The following GJA1 variants were observed in gnomAD, a reference collection of about 807,000 sequenced individuals.
GJA1 encodes the protein gap junction alpha-1 protein.
A neutral mutation model predicts 31.0 loss-of-function variants in GJA1; 9 were observed. The observed-to-expected ratio is 0.29, with a 90% CI of 0.17 to 0.51. The LOEUF is 0.51. Among genes scored for constraint, GJA1 ranks in the 20% least tolerant of loss-of-function variants. The pLI, the probability that GJA1 is intolerant of heterozygous loss-of-function variation, is 0.98. For missense variants in GJA1, 278 were observed against 468.8 expected, an observed-to-expected ratio of 0.59 and a Z score of 3.76; for synonymous variants, 186 against 180.1, an observed-to-expected ratio of 1.03 and a Z score of -0.26.
Position 121,447,183 on chromosome 6 carries a change from A to G in GJA1, c.336A>G (p.Glu112=), listed in dbSNP as rs1449750966. The change falls in exon 2 of 2, where the codon GAA becomes GAG. Residue 112 remains glutamate, a synonymous_variant. Transcript: ENST00000282561. ...KEEKLNKKEE[E]LKVAQTDGVN... ...AGAAACTGAACAAGAAAGAGGAAGAACTCAAGGTTGCCCAAACTGATGGTG... is the reference window on the plus strand; with the variant it reads ...AGAAACTGAACAAGAAAGAGGAAGAGCTCAAGGTTGCCCAAACTGATGGTG... 2.5e-6 allele frequency: 4 copies of G among 1,613,850 alleles called. No individual in the cohort carries two copies. The South Asian group carries it at 3.3e-5, about 13-fold the overall frequency.
At position 121,447,468 on chromosome 6, in the gene GJA1, C is replaced by T. The variant is rs753001190; in HGVS notation, c.621C>T (p.Thr207=). Residue 207 remains threonine (T), a synonymous_variant, in exon 2 of 2, where the codon ACC becomes ACT. Transcript: ENST00000282561. ...DCFLSRPTEK[T]IFIIFMLVVS... ...TCCTCTCTCGCCCCACGGAGAAAAC[C>T]ATCTTCATCATCTTCATGCTGGTGG... The T allele has an allele frequency of 2.2e-5, 35 of 1,613,882 alleles. 1 individual carries two copies. The East Asian group carries it at 7.8e-4, about 36-fold the overall frequency.
chr6:121,439,382 G>T (rs964668605), intron 1 of GJA1, among the ~76,000 whole-genome samples: 1 of 152,104 alleles, frequency 6.6e-6, no homozygotes, highest in African/African-American at 2.4e-5. Flanking sequence ...GTCTTTATAT[G>T]ATTATAAAAT....
intron 1 of GJA1, among the ~76,000 whole-genome samples, chr6:121,436,155 T>A (rs1378074819): frequency 3.2e-5 from 4 of 123,634 alleles, no homozygotes; most frequent in Middle Eastern, 3.6e-3. Flanking sequence ...TTGTAATCAG[T>A]AATAGTCTAG....
chr6:121,436,612 T>TA (rs1773667080), intron 1 of GJA1, among the ~76,000 whole-genome samples: 1 of 152,276 alleles, frequency 6.6e-6, no homozygotes, highest in South Asian at 2.1e-4. Context: ...GGTGGCTAGT[T>TA]ACAGAGCATT....
intron 1 of GJA1, among the ~76,000 whole-genome samples, chr6:121,443,796 C>A (rs1434464641): frequency 6.6e-6 from 1 of 152,174 alleles, no homozygotes; most frequent in Non-Finnish European, 1.5e-5. Flanking sequence ...TTGTCTTCAG[C>A]TCTATCGTTG....
rs1205119069 is a variant in GJA1 at position 121,438,310 on chromosome 6, T to G, written c.-17+2478T>G. 2.6e-5 allele frequency among the ~76,000 whole-genome samples: 4 copies of G among 152,324 alleles called. No homozygotes were observed. In the East Asian group the frequency reaches 7.7e-4, roughly 29 times the overall value. On this transcript the variant is annotated intron_variant, in intron 1 of 1. Coordinates refer to ENST00000282561, the MANE Select transcript of GJA1 (RefSeq NM_000165.5). ...TTCTGAGGGTTCTCAACCCAGCCAC[T>G]GAGTTCCTCACCCTTGGCGACTGTG...
intron 1 of GJA1, among the ~76,000 whole-genome samples, chr6:121,436,167 T>G: frequency 9.9e-6 from 1 of 100,808 alleles, no homozygotes; most frequent in Non-Finnish European, 1.8e-5. Context: ...ATAGTCTAGG[T>G]GCTATCATTT....
At chr6:121,442,401 G>GT (rs1773809305) in intron 1 of GJA1, among the ~76,000 whole-genome samples, 1 of 152,270 alleles carries the variant, frequency 6.6e-6, no homozygotes, top group African/African-American at 2.4e-5. Flanking sequence ...GAATTAAAGC[G>GT]TTTAAGTTCT....
rs1253120600 is a variant in GJA1 at position 121,447,679 on chromosome 6, C to T, written c.832C>T (p.Leu278Phe). ...FNGCSSPTAP[L>F]SPMSPPGYKL... is the part of the protein sequence containing the mutation. Reference sequence around the variant, plus strand: ...TGGCTGCTCCTCACCAACCGCTCCCCTCTCGCCTATGTCTCCTCCTGGGTA... The same window carrying T: ...TGGCTGCTCCTCACCAACCGCTCCCTTCTCGCCTATGTCTCCTCCTGGGTA... The change falls in exon 2 of 2, where the codon CTC becomes TTC. Residue 278 changes from leucine (L) to phenylalanine (F), a missense_variant. Leu to Phe is a conservative substitution (Grantham distance 22). Around this residue, in one of 3 missense-constraint regions of GJA1, gnomAD observed 172 missense variants for 190.9 expected, o/e 0.90. Coordinates refer to ENST00000282561, the MANE Select transcript of GJA1 (RefSeq NM_000165.5). 4.3e-6 allele frequency: 7 copies of T among 1,614,100 alleles called. No individual in the cohort carries two copies. Among genetic ancestry groups the T allele is most frequent in the Non-Finnish European group, 5.9e-6 (7 of 1,180,008 alleles).
chr6:121,437,589 G>T (rs1451953401), intron 1 of GJA1, among the ~76,000 whole-genome samples: 1 of 151,972 alleles, frequency 6.6e-6, no homozygotes, highest in Non-Finnish European at 1.5e-5. Context: ...TTTCCGAGAC[G>T]CGCGCCTCAC....
At chr6:121,438,091 ACCAAG>A (rs2114270455) in intron 1 of GJA1, among the ~76,000 whole-genome samples, 1 of 152,312 alleles carries the variant, frequency 6.6e-6, no homozygotes, top group South Asian at 2.1e-4. Context: ...TGGAAATTAT[ACCAAG>A]CAAAGGCAGT....
intron 1 of GJA1, among the ~76,000 whole-genome samples, chr6:121,442,340 A>G (rs930354564): frequency 1.3e-5 from 2 of 152,256 alleles, no homozygotes; most frequent in Non-Finnish European, 2.9e-5. Flanking sequence ...AGCAAAAGGC[A>G]TAGTCAAATG....
rs138539502 is a variant in GJA1 at position 121,444,268 on chromosome 6, A to G, written c.-16-2564A>G. Among the ~76,000 whole-genome samples the G allele has an allele frequency of 2.9e-3, 441 of 152,296 alleles. 3 individuals are homozygous for G. The highest frequency in any genetic ancestry group is 9.8e-3 in the African/African-American group (406 of 41,566). On this transcript the variant is annotated intron_variant, in intron 1 of 1. Transcript: ENST00000282561. ...CTAACTTGTCACTTCAGAATCTAAA[A>G]TGACCCTTCCTAAGTAAAAGGGAAG...
At position 121,447,623 on chromosome 6, in the gene GJA1, A is replaced by G. The variant is rs1396428551; in HGVS notation, c.776A>G (p.Asp259Gly). ...AGTGGTGCGCTGAGCCCTGCCAAAG[A>G]CTGTGGGTCTCAAAAATATGCTTAT... is the stretch of plus-strand genomic sequence containing the variant. ...ATSGALSPAK[D>G]CGSQKYAYFN... Residue 259 changes from aspartate to glycine, a missense_variant, in exon 2 of 2, where the codon GAC becomes GGC. This residue lies in a region of GJA1 where 172 missense variants were observed against 190.9 expected (regional missense o/e 0.90). Coordinates refer to ENST00000282561, the MANE Select transcript of GJA1 (RefSeq NM_000165.5). 1 of 1,613,870 alleles carries G rather than the reference A, an allele frequency of 6.2e-7. No homozygotes were observed. The highest frequency in any genetic ancestry group is 8.5e-7 in the Non-Finnish European group (1 of 1,180,006).
chr6:121,445,352 A>C (rs1351480658), intron 1 of GJA1, among the ~76,000 whole-genome samples: 1 of 152,168 alleles, frequency 6.6e-6, no homozygotes, highest in East Asian at 1.9e-4. Context: ...TCACCATGTT[A>C]GCCAGGATGG....
At chr6:121,437,544 G>A (rs936801808) in intron 1 of GJA1, among the ~76,000 whole-genome samples, 2 of 151,964 alleles carry the variant, frequency 1.3e-5, no homozygotes, top group Non-Finnish European at 2.9e-5. Flanking sequence ...GAGACCCTCG[G>A]GAAGCTGATG....
rs780272382 is a variant in GJA1 at position 121,446,984 on chromosome 6, G to C, written c.137G>C (p.Gly46Ala). The change falls in exon 2 of 2, where the codon GGA becomes GCA. Residue 46 changes from glycine to alanine, a missense_variant. Gly to Ala is a moderately conservative substitution (Grantham distance 60, BLOSUM62 0). Around this residue, in one of 3 missense-constraint regions of GJA1, gnomAD observed 26 missense variants for 114.4 expected, o/e 0.23. Coordinates refer to ENST00000282561, the MANE Select transcript of GJA1 (RefSeq NM_000165.5). Reference sequence around the variant, plus strand: ...GGGACAGCGGTTGAGTCAGCCTGGGGAGATGAGCAGTCTGCCTTTCGTTGT... The same window carrying C: ...GGGACAGCGGTTGAGTCAGCCTGGGCAGATGAGCAGTCTGCCTTTCGTTGT... ...LLGTAVESAW[G>A]DEQSAFRCNT... The C allele has an allele frequency of 1.9e-6, 3 of 1,614,134 alleles. No individual in the cohort carries two copies. In the South Asian group the frequency reaches 3.3e-5, roughly 18 times the overall value.
intron 1 of GJA1, among the ~76,000 whole-genome samples, chr6:121,439,370 G>T (rs575903626): frequency 7.8e-4 from 119 of 152,224 alleles, no homozygotes; most frequent in African/African-American, 2.7e-3. Flanking sequence ...GGCCCTAAGG[G>T]TGTCTTTATA....
chr6:121,445,291 T>TC (rs1169064175), intron 1 of GJA1, among the ~76,000 whole-genome samples: 1 of 151,888 alleles, frequency 6.6e-6, no homozygotes, highest in Non-Finnish European at 1.5e-5. Context: ...GACTACAGGC[T>TC]CCCACCACCA....
Sources: allele counts gnomAD v4.1 joint callset (sites outside exome capture counted in the v4.1 genomes callset), GRCh38; gene constraint gnomAD v4.1.1; regional missense constraint gnomAD v4.1.1; transcripts MANE v1.5; gene names NCBI Gene and HGNC (gene_info 2026-07-23, HGNC 2026-07-21).